The following PIK3C2A variants were observed in gnomAD, a reference collection of about 807,000 sequenced individuals.
PIK3C2A encodes phosphatidylinositol 4-phosphate 3-kinase C2 domain-containing subunit alpha.
Under a neutral mutation model 204.5 loss-of-function variants are expected in PIK3C2A, and 97 were observed. That is an observed-to-expected ratio of 0.47 (90% CI 0.40 to 0.56). PIK3C2A has a LOEUF of 0.56. PIK3C2A is among the 20% of genes least tolerant of loss of function. The pLI, the probability that PIK3C2A is intolerant of heterozygous loss-of-function variation, is 0.00. For synonymous variants in PIK3C2A, 653 were observed against 664.4 expected, an observed-to-expected ratio of 0.98 and a Z score of 0.26; for missense variants, 1,735 against 1,969.2, an observed-to-expected ratio of 0.88 and a Z score of 2.25.
At chr11:17,147,907 G>A (rs991873687) in intron 5 of PIK3C2A, among the ~76,000 whole-genome samples, 12 of 152,088 alleles carry the variant, frequency 7.9e-5, no homozygotes, top group Non-Finnish European at 1.5e-5. Flanking sequence ...AAAACAACTG[G>A]ACTAAATGCT....
At chr11:17,118,454 C>G (rs968642477) in intron 18 of PIK3C2A, among the ~76,000 whole-genome samples, 191 bp downstream of exon 18, 2 of 152,086 alleles carry the variant, frequency 1.3e-5, no homozygotes, top group Non-Finnish European at 2.9e-5. Flanking sequence ...TATAAGACAC[C>G]AAATTTTTGC....
chr11:17,196,254 T>C (rs1164595462), intron 1 of PIK3C2A, among the ~76,000 whole-genome samples: 2 of 152,188 alleles, frequency 1.3e-5, no homozygotes, highest in Admixed American at 1.3e-4. Flanking sequence ...GGGGATACTA[T>C]ACTGAATTTT....
intron 1 of PIK3C2A, chr11:17,193,526 C>T: frequency 2.2e-6 from 1 of 446,192 alleles, no homozygotes; most frequent in South Asian, 1.6e-5. Context: ...CACAACATTC[C>T]CGAAAATGGC....
intron 25 of PIK3C2A, 78 bp downstream of exon 25, chr11:17,101,200 A>C: frequency 1.1e-6 from 1 of 870,346 alleles, no homozygotes; most frequent in Middle Eastern, 2.6e-4. Flanking sequence ...TTCCAAAATC[A>C]CAAAATAATC....
At chr11:17,165,505 G>A (rs940999490) in intron 2 of PIK3C2A, among the ~76,000 whole-genome samples, 1 of 151,502 alleles carries the variant, frequency 6.6e-6, no homozygotes, top group African/African-American at 2.4e-5. Context: ...GCAGACCTTG[G>A]TGGCTCACGC....
rs1014623571 is a variant in PIK3C2A, at chr11:17,169,093, G to A, written c.649C>T (p.Pro217Ser). 6.2e-7 allele frequency: 1 copy of A among 1,614,050 alleles called. No homozygotes were observed. Among genetic ancestry groups the A allele is most frequent in the African/African-American group, 1.3e-5 (1 of 74,904 alleles). Residue 217 changes from proline to serine, a missense_variant, in exon 2 of 33, where the codon CCA (proline) becomes TCA (serine). Around this residue, in one of 6 missense-constraint regions of PIK3C2A, gnomAD observed 536 missense variants for 546.7 expected, o/e 0.98. Coordinates refer to ENST00000691414, the MANE Select transcript of PIK3C2A (RefSeq NM_002645.4). Reference protein sequence around the residue: ...HPQGSLPIYRPVVSTDMAKLF... With the variant: ...HPQGSLPIYRSVVSTDMAKLF... ...TTTGCCATGTCAGTACTGACTACTG[G>A]ACGATAGATAGGTAAGCTTCCTTGT...
intron 1 of PIK3C2A, among the ~76,000 whole-genome samples, chr11:17,203,344 A>G (rs1485512317): frequency 6.6e-6 from 1 of 151,932 alleles, no homozygotes; most frequent in Non-Finnish European, 1.5e-5. Context: ...AAAAAAAAAG[A>G]AGAAAGAAAA....
In PIK3C2A at chr11:17,168,820, G is replaced by A; in HGVS notation, c.922C>T (p.Leu308Phe). 1.2e-6 allele frequency: 2 copies of A among 1,614,012 alleles called. No individual in the cohort carries two copies. The highest frequency in any genetic ancestry group is 1.7e-5 in the Admixed American group (1 of 60,002). Residue 308 changes from leucine to phenylalanine, a missense_variant, in exon 2 of 33, where the codon CTT becomes TTT. By Grantham distance (22) the Leu-to-Phe change is conservative (BLOSUM62 0). Coordinates refer to ENST00000691414, the MANE Select transcript of PIK3C2A (RefSeq NM_002645.4). ...LLAKDPWDAVLLEERSTANCH... is the reference protein window; with the variant it reads ...LLAKDPWDAVFLEERSTANCH... ...TTTGCTGTCGATCTCTCTTCAAGAAGAACAGCATCCCAAGGATCCTTTGCT... is the reference window on the plus strand; with the variant it reads ...TTTGCTGTCGATCTCTCTTCAAGAAAAACAGCATCCCAAGGATCCTTTGCT...
At chr11:17,123,421 G>GTTTTTT (rs555389887) in intron 13 of PIK3C2A, among the ~76,000 whole-genome samples, 1 of 121,178 alleles carries the variant, frequency 8.3e-6, no homozygotes. Flanking sequence ...GCTAATTCTT[G>GTTTTTT]TTTTTTTTTT....
At chr11:17,136,437 TAC>T (rs764195752) in intron 9 of PIK3C2A, 43 bp downstream of exon 9, 9 of 1,447,410 alleles carry the variant, frequency 6.2e-6, no homozygotes, top group East Asian at 2.3e-5. Flanking sequence ...CCTGTTTAAG[TAC>T]ATATTTGCAT....
intron 8 of PIK3C2A, among the ~76,000 whole-genome samples, chr11:17,139,460 G>T (rs1849984039): frequency 6.6e-6 from 1 of 151,916 alleles, no homozygotes; most frequent in Admixed American, 6.6e-5. Context: ...CTGACCTCAG[G>T]TGATCTGCCC....
chr11:17,104,497 G>A (rs542396647), intron 23 of PIK3C2A, among the ~76,000 whole-genome samples: 174 of 152,140 alleles, frequency 1.1e-3, no homozygotes, highest in African/African-American at 3.7e-3. Context: ...AGACTGAAGC[G>A]GGCGGATCAC....
chr11:17,113,563 C>A (rs1258220083), intron 20 of PIK3C2A, among the ~76,000 whole-genome samples: 1 of 151,128 alleles, frequency 6.6e-6, no homozygotes, highest in African/African-American at 2.4e-5. Context: ...TGGTGGCTCA[C>A]CTGAGGTCAG....
intron 26 of PIK3C2A, among the ~76,000 whole-genome samples, chr11:17,098,793 G>C (rs528039090): frequency 6.6e-6 from 1 of 152,282 alleles, no homozygotes; most frequent in African/African-American, 2.4e-5. Context: ...GGAGAGAAAA[G>C]AACATGAGCT....
chr11:17,114,077 CAAAAAATAAATA>C (rs1849089721), intron 20 of PIK3C2A, among the ~76,000 whole-genome samples: 1 of 61,766 alleles, frequency 1.6e-5, no homozygotes, highest in Admixed American at 1.6e-4. Flanking sequence ...GACTTTGTCT[CAAAAAATAAATA>C]AATAAATAAA....
Position 17,088,438 on chromosome 11 carries a change from C to CA in PIK3C2A, c.*1299dup, listed in dbSNP as rs1848208949. On this transcript the variant is annotated 3_prime_UTR_variant, in exon 33 of 33. Coordinates refer to ENST00000691414, the MANE Select transcript of PIK3C2A (RefSeq NM_002645.4). ...TAATTTTTGTGTAGAGACGGGGTTT[C>CA]ACCATGTTGGCCAGGCTGGTCTCAA... The CA allele has an allele frequency of 6.6e-6, 1 of 152,076 alleles. No homozygotes were observed. Among genetic ancestry groups the CA allele is most frequent in the Non-Finnish European group, 1.5e-5 (1 of 68,048 alleles). 9.4% of individuals were successfully genotyped at this position (152,076 alleles called of 1,614,324 possible).
chr11:17,178,092 C>CAAAAAAAA (rs750346823), intron 1 of PIK3C2A, among the ~76,000 whole-genome samples: 2 of 64,106 alleles, frequency 3.1e-5, no homozygotes, highest in Non-Finnish European at 5.2e-5. Flanking sequence ...GACTCCATCT[C>CAAAAAAAA]AAAAAAAAAA....
Position 17,168,666 on chromosome 11 carries a change from A to C in PIK3C2A, c.1065+11T>G, listed in dbSNP as rs1851053720. On this transcript the variant is annotated intron_variant, in intron 2 of 32. Coordinates refer to ENST00000691414, the MANE Select transcript of PIK3C2A (RefSeq NM_002645.4). ...TACTAAGTTTGAGAAGTTAGTAAGA[A>C]AAGACTATACCTGAGATATATGGCC... The C allele has an allele frequency of 6.8e-7, 1 of 1,476,220 alleles. No homozygotes were observed. The highest frequency in any genetic ancestry group is 1.4e-5 in the African/African-American group (1 of 70,918). The allele number at this position is 1,476,220 out of a possible 1,614,324, so 91.4% of individuals were successfully genotyped here.
intron 22 of PIK3C2A, among the ~76,000 whole-genome samples, chr11:17,107,498 A>T (rs1384464051): frequency 6.6e-6 from 1 of 152,200 alleles, no homozygotes; most frequent in Non-Finnish European, 1.5e-5. Flanking sequence ...ATATTAGAAT[A>T]TACACAAAAC....
Sources: gnomAD v4.1 joint callset for allele counts (sites outside exome capture counted in the v4.1 genomes callset) on GRCh38, gnomAD v4.1.1 for gene constraint, gnomAD v4.1.1 regional missense constraint, MANE v1.5 for transcripts, NCBI Gene and HGNC (gene_info 2026-07-23, HGNC 2026-07-21) for gene names.